CLIC5: variants seen among roughly 807,000 people sequenced by gnomAD.
CLIC5 encodes chloride intracellular channel protein 5.
In CLIC5, 20 loss-of-function variants were observed where a neutral mutation model predicts 24.7. The ratio of observed to expected loss-of-function variants is 0.81; its 90% CI spans 0.57 to 1.18. The LOEUF is 1.18. Ranked by LOEUF, CLIC5 falls within the 50% of genes most tolerant of loss-of-function variation. CLIC5 has a pLI of 0.00. For missense variants in CLIC5, 341 were observed against 326.1 expected (o/e 1.05, Z -0.35); for synonymous variants, 159 against 135.6 (o/e 1.17, Z -1.20).
chr6:46,015,414 G>A (rs1048419009), intron 1 of CLIC5, 66 bp downstream of exon 1: 104 of 1,431,762 alleles, frequency 7.3e-5, no homozygotes, highest in Middle Eastern at 1.9e-4. Flanking sequence ...AGCGCACCCC[G>A]AGCCCTGGTG....
At chr6:46,102,832 G>T in the CLIC5 span, among the ~76,000 whole-genome samples, 2 of 152,160 alleles carry the variant, frequency 1.3e-5, no homozygotes, top group Non-Finnish European at 2.9e-5. Context: ...AGGATTAGGT[G>T]ACATAAACTA....
At chr6:45,922,985 T>C (rs1003355531) in intron 4 of CLIC5, among the ~76,000 whole-genome samples, 8 of 152,002 alleles carry the variant, frequency 5.3e-5, no homozygotes, top group Non-Finnish European at 8.8e-5. Context: ...GGCTTATCCC[T>C]GAGCAAACAA....
At chr6:45,961,604 T>A (rs1764843674) in intron 1 of CLIC5, among the ~76,000 whole-genome samples, 1 of 152,266 alleles carries the variant, frequency 6.6e-6, no homozygotes, top group African/African-American at 2.4e-5. Flanking sequence ...CAGCTGCCCA[T>A]TTTTTAATTA....
the CLIC5 span, among the ~76,000 whole-genome samples, chr6:46,088,194 T>TGTGTGA: frequency 5.9e-5 from 9 of 151,278 alleles, no homozygotes; most frequent in East Asian, 1.5e-3. Context: ...TGTGTGTGTG[T>TGTGTGA]GACACTGTAT....
the CLIC5 span, among the ~76,000 whole-genome samples, chr6:46,125,010 A>T: frequency 3.3e-5 from 5 of 152,232 alleles, no homozygotes; most frequent in Non-Finnish European, 5.9e-5. Flanking sequence ...ATTGTGGAAG[A>T]CAGTGTGGCG....
intron 4 of CLIC5, among the ~76,000 whole-genome samples, chr6:45,936,996 T>G (rs548466989): frequency 6.6e-6 from 1 of 151,820 alleles, no homozygotes; most frequent in Admixed American, 6.6e-5. Context: ...GATCTAGAAA[T>G]TACAGAGGAG....
intron 4 of CLIC5, among the ~76,000 whole-genome samples, chr6:45,922,806 GAAGAGAGAGAGAGAGA>G (rs1007407676): frequency 8.5e-6 from 1 of 117,330 alleles, no homozygotes; most frequent in Non-Finnish European, 2.0e-5. Flanking sequence ...GAGAAGGGAG[GAAGAGAGAGAGAGAGA>G]AAGAGAGAGA....
chr6:46,102,320 TAGA>T, the CLIC5 span, among the ~76,000 whole-genome samples: 1 of 152,208 alleles, frequency 6.6e-6, no homozygotes, highest in Non-Finnish European at 1.5e-5. Context: ...CCTGCCTGTC[TAGA>T]CTCATCTTGG....
At chr6:45,905,264 C>T (rs568066912) in intron 5 of CLIC5, among the ~76,000 whole-genome samples, 2 of 152,260 alleles carry the variant, frequency 1.3e-5, no homozygotes, top group South Asian at 2.1e-4. Flanking sequence ...ATTGCTTGGT[C>T]AAATGATAGT....
intron 1 of CLIC5, 106 bp from the exon 2 acceptor site, chr6:45,955,350 T>C (rs962321499): frequency 8.0e-6 from 6 of 748,172 alleles, no homozygotes; most frequent in Non-Finnish European, 1.1e-5. Context: ...ACTAAAACCA[T>C]GTCCCAGCAA....
chr6:46,064,034 A>G (rs1161261037), intron 1 of CLIC5, among the ~76,000 whole-genome samples: 2 of 152,220 alleles, frequency 1.3e-5, no homozygotes, highest in African/African-American at 2.4e-5. Context: ...TGCAACTCAT[A>G]ACCAAGCATG....
At chr6:46,079,113 T>A (rs1324451885) in intron 1 of CLIC5, among the ~76,000 whole-genome samples, 2 of 152,220 alleles carry the variant, frequency 1.3e-5, no homozygotes, top group Non-Finnish European at 2.9e-5. Context: ...TACTTTATCA[T>A]CTAATACAAA....
upstream of CLIC5, among the ~76,000 whole-genome samples, chr6:46,082,361 G>C (rs1762942443): frequency 6.6e-6 from 1 of 152,146 alleles, no homozygotes; most frequent in Non-Finnish European, 1.5e-5. Flanking sequence ...ACAGTTACAG[G>C]TTGTAATATG....
At chr6:46,000,122 T>C (rs1490755268) in intron 1 of CLIC5, among the ~76,000 whole-genome samples, 3 of 152,204 alleles carry the variant, frequency 2.0e-5, no homozygotes, top group Non-Finnish European at 4.4e-5. Flanking sequence ...ATATAATGCA[T>C]ATAGCCTACA....
chr6:46,080,399 T>G (rs983448823), upstream of CLIC5: 1 of 619,480 alleles, frequency 1.6e-6, no homozygotes, highest in African/African-American at 1.8e-5. Context: ...TAACAATTAT[T>G]TACTGGAGAG....
At chr6:46,105,136 C>T in the CLIC5 span, among the ~76,000 whole-genome samples, 4 of 151,984 alleles carry the variant, frequency 2.6e-5, no homozygotes, top group South Asian at 2.1e-4. Flanking sequence ...AGAATGCAGC[C>T]GGACAGATGT....
At chr6:46,015,136 T>C (rs1217124256) in intron 1 of CLIC5, among the ~76,000 whole-genome samples, 1 of 152,206 alleles carries the variant, frequency 6.6e-6, no homozygotes, top group East Asian at 1.9e-4. Flanking sequence ...CAGCCAGGTT[T>C]CTGCCGCATC....
At chr6:45,950,030 A>G (rs935075639) in intron 2 of CLIC5, among the ~76,000 whole-genome samples, 15 of 152,248 alleles carry the variant, frequency 9.9e-5, no homozygotes, top group African/African-American at 3.6e-4. Flanking sequence ...GATTGAAAAC[A>G]AAACTATTAA....
intron 1 of CLIC5, among the ~76,000 whole-genome samples, chr6:46,012,602 T>A (rs745336309): frequency 6.6e-6 from 1 of 152,206 alleles, no homozygotes; most frequent in Non-Finnish European, 1.5e-5. Flanking sequence ...AAATAAGGTA[T>A]CAGGCCTGAC....
Sources: gnomAD v4.1 joint callset for allele counts (sites outside exome capture counted in the v4.1 genomes callset) on GRCh38, gnomAD v4.1.1 for gene constraint, MANE v1.5 for transcripts, NCBI Gene and HGNC (gene_info 2026-07-23, HGNC 2026-07-21) for gene names.